FRMPD3: variants seen among roughly 807,000 people sequenced by gnomAD.
FRMPD3 encodes the protein FERM and PDZ domain-containing protein 3.
In FRMPD3, 42 loss-of-function variants were observed where a neutral mutation model predicts 97.9. The observed-to-expected ratio is 0.43, with a 90% CI of 0.34 to 0.55. FRMPD3 has a LOEUF of 0.55. Ranked by LOEUF, FRMPD3 falls within the 20% of genes least tolerant of loss-of-function variation. The pLI, the probability that FRMPD3 is intolerant of heterozygous loss-of-function variation, is 0.03. For missense variants in FRMPD3, 1,303 were observed against 1,457.7 expected (o/e 0.89, Z 1.73); for synonymous variants, 577 against 581.1 (o/e 0.99, Z 0.10).
Position 107,554,382 on chromosome X carries a change from C to A in FRMPD3, c.643-3C>A. Reference sequence around the variant, plus strand: ...CTTCTCCCCTTTCATCCCTGGAATTCAGGTGGTACAGCGGACACACTATCA... The same window carrying A: ...CTTCTCCCCTTTCATCCCTGGAATTAAGGTGGTACAGCGGACACACTATCA... On this transcript the variant is annotated splice_polypyrimidine_tract_variant and splice_region_variant and intron_variant, in intron 7 of 14. Coordinates refer to ENST00000683843, the MANE Select transcript of FRMPD3 (RefSeq NM_001388459.1). 8.3e-7 allele frequency: 1 copy of A among 1,207,240 alleles called. No individual in the cohort carries two copies. The highest frequency in any genetic ancestry group is 1.8e-5 in the South Asian group (1 of 56,233).
At chrX:107,466,872 G>T (rs1931574053) in intron 1 of FRMPD3, among the ~76,000 whole-genome samples, 1 of 111,684 alleles carries the variant, frequency 9.0e-6, no homozygotes, top group South Asian at 3.8e-4. Context: ...GGCCAAGAAA[G>T]GACTGACTCT....
At chrX:107,511,345 C>A (rs1922158968) in intron 1 of FRMPD3, among the ~76,000 whole-genome samples, 1 of 112,396 alleles carries the variant, frequency 8.9e-6, no homozygotes, top group Non-Finnish European at 1.9e-5. Flanking sequence ...TCCACTTGCT[C>A]AAATCTGGCC....
chrX:107,504,976 T>C (rs1321266396), intron 1 of FRMPD3, among the ~76,000 whole-genome samples: 1 of 112,412 alleles, frequency 8.9e-6, no homozygotes, highest in Non-Finnish European at 1.9e-5. Flanking sequence ...TCGTGTGTCA[T>C]GGGCACTGCT....
Position 107,574,539 on chromosome X carries a change from C to T in FRMPD3, c.1297-1776C>T, listed in dbSNP as rs769330033. On this transcript the variant is annotated intron_variant, in intron 12 of 14. Coordinates refer to ENST00000683843, the MANE Select transcript of FRMPD3 (RefSeq NM_001388459.1). ...CCTTTATAGAAAATGTGTGTTGACC[C>T]CTGGCCTATATGAACTACAAAATAT... Among the ~76,000 whole-genome samples the T allele has an allele frequency of 8.9e-5, 10 of 112,205 alleles. No individual in the cohort carries two copies. The South Asian group carries it at 3.7e-3, about 42-fold the overall frequency.
chrX:107,583,027 CTTTAA>C (rs1238360598), intron 13 of FRMPD3, among the ~76,000 whole-genome samples: 1 of 111,893 alleles, frequency 8.9e-6, no homozygotes, highest in Non-Finnish European at 1.9e-5. Flanking sequence ...TTTAAATCTC[CTTTAA>C]TTTCTTTCAT....
At chrX:107,545,704 G>A (rs1276818700) in intron 4 of FRMPD3, 33 bp from the exon 5 acceptor site, 1 of 1,119,302 alleles carries the variant, frequency 8.9e-7, no homozygotes, top group South Asian at 1.8e-5. Flanking sequence ...CCCTAGATAT[G>A]GAGAACTCAC....
At chrX:107,549,449 C>T (rs1921764087) in intron 5 of FRMPD3, among the ~76,000 whole-genome samples, 1 of 111,747 alleles carries the variant, frequency 8.9e-6, no homozygotes, top group African/African-American at 3.3e-5. Context: ...GGGAGGGGGA[C>T]ATCCCTGAAT....
At chrX:107,488,381 G>A (rs1331625665) in intron 1 of FRMPD3, among the ~76,000 whole-genome samples, 1 of 112,260 alleles carries the variant, frequency 8.9e-6, no homozygotes, top group African/African-American at 3.2e-5. Context: ...ATCTTGCAGG[G>A]GAGGCCCAAA....
chrX:107,580,025 C>T (rs1476689803), intron 13 of FRMPD3, among the ~76,000 whole-genome samples: 1 of 111,749 alleles, frequency 8.9e-6, no homozygotes, highest in African/African-American at 3.3e-5. Context: ...GCCTCTAGGT[C>T]GTCATTATGA....
intron 2 of FRMPD3, 72 bp downstream of exon 2, chrX:107,526,808 C>A: frequency 9.9e-7 from 1 of 1,008,247 alleles, no homozygotes; most frequent in Non-Finnish European, 1.3e-6. Context: ...TCCCAAAAAG[C>A]AGAGCTTCCA....
At chrX:107,553,265 G>A (rs1030477991) in intron 7 of FRMPD3, among the ~76,000 whole-genome samples, 2 of 108,116 alleles carry the variant, frequency 1.8e-5, no homozygotes, top group Non-Finnish European at 3.8e-5. Flanking sequence ...GAGAAAACTT[G>A]GCCTTTTGCA....
intron 13 of FRMPD3, among the ~76,000 whole-genome samples, chrX:107,586,920 A>G (rs1923675647): frequency 8.9e-6 from 1 of 112,219 alleles, no homozygotes; most frequent in Non-Finnish European, 1.9e-5. Context: ...AAGAATATAT[A>G]TTCTGTTGAT....
intron 13 of FRMPD3, among the ~76,000 whole-genome samples, chrX:107,581,887 C>G (rs886973291): frequency 5.4e-5 from 6 of 111,913 alleles, no homozygotes; most frequent in African/African-American, 1.6e-4. Context: ...TACCACATTC[C>G]TTTATCCATT....
intron 1 of FRMPD3, among the ~76,000 whole-genome samples, chrX:107,478,795 A>C (rs1292708995): frequency 8.9e-6 from 1 of 112,421 alleles, no homozygotes; most frequent in Non-Finnish European, 1.9e-5. Context: ...GACCGTGTGC[A>C]GATATCTGGA....
intron 1 of FRMPD3, among the ~76,000 whole-genome samples, chrX:107,493,043 G>A (rs373086266): frequency 7.1e-4 from 78 of 109,227 alleles, no homozygotes; most frequent in African/African-American, 2.4e-3. Flanking sequence ...AGCCTGGTCT[G>A]GTGGTGCATG....
intron 1 of FRMPD3, among the ~76,000 whole-genome samples, chrX:107,509,389 G>T (rs1026117290): frequency 9.0e-6 from 1 of 111,069 alleles, no homozygotes. Flanking sequence ...GGGGTGGTGC[G>T]TTAGATATGT....
At chrX:107,463,113 G>T (rs1931504958) in intron 1 of FRMPD3, among the ~76,000 whole-genome samples, 1 of 112,115 alleles carries the variant, frequency 8.9e-6, no homozygotes, top group African/African-American at 3.2e-5. Context: ...TAATTATTTT[G>T]TTTTAAAATA....
At chrX:107,599,486 G>A (rs1209129487) in intron 14 of FRMPD3, among the ~76,000 whole-genome samples, 1 of 110,979 alleles carries the variant, frequency 9.0e-6, no homozygotes. Context: ...GTTGCTCCCA[G>A]GCTTGAGTCC....
At chrX:107,489,717 A>T (rs1372343622) in intron 1 of FRMPD3, among the ~76,000 whole-genome samples, 14 of 111,462 alleles carry the variant, frequency 1.3e-4, no homozygotes, top group Non-Finnish European at 2.1e-4. Context: ...CTTTGAGTTC[A>T]TTGTAGATTC....
Sources: gnomAD v4.1 joint callset for allele counts (sites outside exome capture counted in the v4.1 genomes callset) on GRCh38, gnomAD v4.1.1 for gene constraint, MANE v1.5 for transcripts, NCBI Gene and HGNC (gene_info 2026-07-23, HGNC 2026-07-21) for gene names.